Variants in GPC5 observed in about 807,000 individuals in gnomAD.
GPC5 encodes glypican 5.
In GPC5, 47 loss-of-function variants were observed where a neutral mutation model predicts 53.9. The ratio of observed to expected loss-of-function variants is 0.87; its 90% CI spans 0.69 to 1.11. The LOEUF is 1.11. Ranked by LOEUF, GPC5 falls within the 50% of genes most tolerant of loss-of-function variation. The pLI is 0.00. For missense variants in GPC5, 748 were observed against 713.1 expected (o/e 1.05, Z -0.56); for synonymous variants, 286 against 263.3 (o/e 1.09, Z -0.84).
intron 2 of GPC5, among the ~76,000 whole-genome samples, chr13:91,684,306 C>A (rs1413926261): frequency 6.6e-6 from 1 of 152,162 alleles, no homozygotes; most frequent in African/African-American, 2.4e-5. Flanking sequence ...TTTCCTGAGA[C>A]TCCAATTATT....
intron 7 of GPC5, among the ~76,000 whole-genome samples, chr13:92,157,387 A>G (rs1268170927): frequency 1.3e-5 from 2 of 152,162 alleles, no homozygotes; most frequent in African/African-American, 4.8e-5. Context: ...AGCTTGGTCA[A>G]TGTGATTAGG....
intron 2 of GPC5, among the ~76,000 whole-genome samples, chr13:91,625,865 T>G (rs923139895): frequency 1.3e-5 from 2 of 152,128 alleles, no homozygotes; most frequent in African/African-American, 4.8e-5. Context: ...TTATGTGGTA[T>G]GTGAACTTAA....
intron 6 of GPC5, among the ~76,000 whole-genome samples, chr13:91,987,603 G>A (rs1177617847): frequency 6.6e-6 from 1 of 151,312 alleles, no homozygotes; most frequent in Non-Finnish European, 1.5e-5. Context: ...ATGAATAAAG[G>A]GAGATTGAGT....
At chr13:92,457,425 C>T (rs1280558516) in intron 7 of GPC5, among the ~76,000 whole-genome samples, 1 of 151,972 alleles carries the variant, frequency 6.6e-6, no homozygotes, top group Non-Finnish European at 1.5e-5. Context: ...TCTCCTTCCC[C>T]AGTTGTGAGA....
intron 5 of GPC5, among the ~76,000 whole-genome samples, chr13:91,761,643 TTACAAAGGC>T (rs2037415360): frequency 6.6e-6 from 1 of 152,144 alleles, no homozygotes; most frequent in African/African-American, 2.4e-5. Flanking sequence ...ATCAAGGATA[TTACAAAGGC>T]TACAGATGAA....
In GPC5 at chr13:92,827,544, A is replaced by G. The variant is rs149352097; in HGVS notation, c.1562-38738A>G. On this transcript the variant is annotated intron_variant, in intron 7 of 7. Coordinates refer to ENST00000377067, the MANE Select transcript of GPC5 (RefSeq NM_004466.6). ...GTTTTCCAGTTCTGAGCTAACTGAG[A>G]TAACAGTGAGGGAGAGGAATTTCTC... Among the ~76,000 whole-genome samples the G allele has an allele frequency of 3.3e-5, 5 of 152,280 alleles. No homozygotes were observed. The East Asian group carries it at 9.7e-4, about 29-fold the overall frequency.
At chr13:92,103,358 A>T (rs1299736150) in intron 6 of GPC5, among the ~76,000 whole-genome samples, 1 of 152,206 alleles carries the variant, frequency 6.6e-6, no homozygotes, top group African/African-American at 2.4e-5. Context: ...TATTAAATAC[A>T]GGCTTATTGA....
At chr13:92,696,406 G>C (rs1324430021) in intron 7 of GPC5, among the ~76,000 whole-genome samples, 2 of 152,146 alleles carry the variant, frequency 1.3e-5, no homozygotes, top group Admixed American at 6.5e-5. Flanking sequence ...GCATGAGATG[G>C]TATCTCACTG....
intron 7 of GPC5, among the ~76,000 whole-genome samples, chr13:92,297,318 G>A (rs558152480): frequency 2.6e-4 from 37 of 144,022 alleles, no homozygotes; most frequent in African/African-American, 9.7e-4. Context: ...TCGGCACTCT[G>A]TATCTAGCTC....
chr13:91,727,881 A>AAAATAATTACT (rs1277996126), intron 3 of GPC5, among the ~76,000 whole-genome samples: 2 of 152,182 alleles, frequency 1.3e-5, no homozygotes, highest in Admixed American at 6.5e-5. Flanking sequence ...TTTTTCAATG[A>AAAATAATTACT]TAATTATGTA....
chr13:92,055,791 T>A (rs190635664), intron 6 of GPC5, among the ~76,000 whole-genome samples: 3 of 152,290 alleles, frequency 2.0e-5, no homozygotes, highest in Non-Finnish European at 4.4e-5. Flanking sequence ...TAAAGTAGAT[T>A]AAATAATATG....
intron 7 of GPC5, among the ~76,000 whole-genome samples, chr13:92,595,823 C>T (rs186102627): frequency 1.1e-3 from 162 of 148,628 alleles, no homozygotes; most frequent in African/African-American, 3.5e-3. Flanking sequence ...GTAATCTTTT[C>T]GGTAATTTCG....
chr13:91,837,731 G>T (rs945902539), intron 5 of GPC5, among the ~76,000 whole-genome samples: 1 of 152,032 alleles, frequency 6.6e-6, no homozygotes, highest in Non-Finnish European at 1.5e-5. Flanking sequence ...AAATTATTAT[G>T]TCATACTCAT....
At chr13:91,909,484 G>A (rs1284503339) in intron 6 of GPC5, among the ~76,000 whole-genome samples, 1 of 152,048 alleles carries the variant, frequency 6.6e-6, no homozygotes, top group African/African-American at 2.4e-5. Flanking sequence ...CAGACCTTAA[G>A]TGTATATTTA....
At chr13:92,789,551 TATTA>T (rs937921709) in intron 7 of GPC5, among the ~76,000 whole-genome samples, 132 of 152,274 alleles carry the variant, frequency 8.7e-4, no homozygotes, top group African/African-American at 3.2e-3. Flanking sequence ...ACTTCACAAA[TATTA>T]ATTTATTTAA....
At chr13:91,618,109 A>G (rs1028116018) in intron 2 of GPC5, among the ~76,000 whole-genome samples, 3 of 152,128 alleles carry the variant, frequency 2.0e-5, no homozygotes, top group Non-Finnish European at 4.4e-5. Context: ...CTAGAGGTTC[A>G]GGTTAATGGA....
intron 7 of GPC5, among the ~76,000 whole-genome samples, chr13:92,330,724 G>A (rs946342409): frequency 6.6e-5 from 10 of 151,992 alleles, no homozygotes; most frequent in African/African-American, 1.9e-4. Flanking sequence ...CAGACAGGAC[G>A]CTGAAGCTAG....
At chr13:91,779,446 C>T (rs113105090) in intron 5 of GPC5, among the ~76,000 whole-genome samples, 3,842 of 152,072 alleles carry the variant, frequency 0.025, 155 homozygotes, top group African/African-American at 0.087. Flanking sequence ...CTGCAACCTC[C>T]GCCACCCTGG....
At chr13:91,826,102 T>C (rs1321288942) in intron 5 of GPC5, among the ~76,000 whole-genome samples, 1 of 151,440 alleles carries the variant, frequency 6.6e-6, no homozygotes, top group Non-Finnish European at 1.5e-5. Context: ...CAAACTTCAG[T>C]TGAAAATAAT....
Sources: allele counts gnomAD v4.1 joint callset (sites outside exome capture counted in the v4.1 genomes callset), GRCh38; gene constraint gnomAD v4.1.1; transcripts MANE v1.5; gene names NCBI Gene and HGNC (gene_info 2026-07-23, HGNC 2026-07-21).